Variants in BBOF1 observed in about 807,000 individuals in gnomAD.
BBOF1 encodes basal body orientation factor 1, also known as basal body-orientation factor 1.
BBOF1 carries 62 observed loss-of-function variants against 68.0 expected under a neutral mutation model. That is an observed-to-expected ratio of 0.91 (90% CI 0.74 to 1.13). The LOEUF (loss-of-function observed/expected upper bound fraction) is 1.13, where lower values mean the gene tolerates loss of function less well. Among genes scored for constraint, BBOF1 ranks in the 50% most tolerant of loss-of-function variants. The pLI, the probability that BBOF1 is intolerant of heterozygous loss-of-function variation, is 0.00. For missense variants in BBOF1, 534 were observed against 600.1 expected, an observed-to-expected ratio of 0.89 and a Z score of 1.15; for synonymous variants, 208 against 198.8, an observed-to-expected ratio of 1.05 and a Z score of -0.39.
At chr14:74,031,267 T>C (rs2059562207) in intron 3 of BBOF1, among the ~76,000 whole-genome samples, 2 of 152,002 alleles carry the variant, frequency 1.3e-5, no homozygotes, top group East Asian at 3.9e-4. Context: ...CGAGTACCAC[T>C]ACACCTGGCA....
rs770987682 is a variant in BBOF1 at position 74,034,088 on chromosome 14, G to T, written c.412G>T (p.Glu138Ter). 6.2e-7 allele frequency: 1 copy of T among 1,607,644 alleles called. No individual in the cohort carries two copies. The highest frequency in any genetic ancestry group is 8.5e-7 in the Non-Finnish European group (1 of 1,177,184). ...LEGQFHQKAK[E>*]IGMIHTELKA... The stretch of plus-strand genomic sequence containing the variant: ...GGGACAGTTCCATCAAAAAGCCAAA[G>T]AAATTGGCATGATTCACACAGAGCT... The change falls in exon 4 of 12, where the codon GAA becomes TAA. Residue 138 changes from glutamate to a stop codon, truncating the protein, a stop_gained. Coordinates refer to ENST00000394009, the MANE Select transcript of BBOF1 (RefSeq NM_025057.3). LOFTEE classifies it high-confidence loss of function.
At chr14:74,020,791 A>T (rs1301908614) in intron 1 of BBOF1, among the ~76,000 whole-genome samples, 1 of 152,158 alleles carries the variant, frequency 6.6e-6, no homozygotes, top group African/African-American at 2.4e-5. Context: ...GCCGTGAGCC[A>T]CCATGCCCTG....
chr14:74,019,398 T>C lies in BBOF1; in HGVS notation c.-81T>C. ...CGGGTGGGGCATTGCCAGCTCGGCG[T>C]CCCGGTTCCCTTGGAGACAGAGCTG... On this transcript the variant is annotated 5_prime_UTR_variant, in exon 1 of 12. Transcript: ENST00000394009. 1.3e-6 allele frequency: 2 copies of C among 1,511,716 alleles called. No individual in the cohort carries two copies. Among genetic ancestry groups the C allele is most frequent in the Non-Finnish European group, 1.8e-6 (2 of 1,126,962 alleles). The allele number at this position is 1,511,716 out of a possible 1,614,324, so 93.6% of individuals were successfully genotyped here. A position where few individuals can be genotyped will look rare whatever the true frequency, so the allele number is the denominator to read the frequency against.
At chr14:74,020,661 G>A (rs566369590) in intron 1 of BBOF1, among the ~76,000 whole-genome samples, 3 of 152,154 alleles carry the variant, frequency 2.0e-5, no homozygotes, top group African/African-American at 4.8e-5. Flanking sequence ...CCGTCACCAC[G>A]CCCAGCTAAT....
chr14:74,027,082 C>CTTTTTT (rs1189972161), intron 2 of BBOF1, among the ~76,000 whole-genome samples: 8 of 88,158 alleles, frequency 9.1e-5, no homozygotes, highest in African/African-American at 1.8e-4. Context: ...GAAAGGAAGC[C>CTTTTTT]TTTTTTTTTT....
intron 2 of BBOF1, among the ~76,000 whole-genome samples, chr14:74,024,557 C>T (rs114641365): frequency 0.016 from 2,457 of 152,174 alleles, 58 homozygotes; most frequent in African/African-American, 0.056. Context: ...GATCGACATC[C>T]GGGCTCAGAT....
chr14:74,056,141 C>T (rs1473693158), intron 9 of BBOF1, among the ~76,000 whole-genome samples: 2 of 151,792 alleles, frequency 1.3e-5, no homozygotes, highest in Non-Finnish European at 2.9e-5. Flanking sequence ...AAGTGATCCT[C>T]CCACCTCAGC....
intron 6 of BBOF1, among the ~76,000 whole-genome samples, chr14:74,047,407 C>CTTTATTTA (rs61067400): frequency 0.066 from 9,583 of 145,512 alleles, 795 homozygotes; most frequent in African/African-American, 0.18. Context: ...TCCTTTTTCA[C>CTTTATTTA]TTTATTTATT....
At chr14:74,063,171 G>A (rs1161472272) in intron 11 of BBOF1, among the ~76,000 whole-genome samples, 1 of 151,548 alleles carries the variant, frequency 6.6e-6, no homozygotes, top group African/African-American at 2.4e-5. Flanking sequence ...TGGCCGATGT[G>A]GCAATAGTAA....
In BBOF1 at chr14:74,062,053, A is replaced by G. The variant is rs1284739254; in HGVS notation, c.1579-2635A>G. 9.7e-3 allele frequency among the ~76,000 whole-genome samples: 867 copies of G among 89,168 alleles called. 36 individuals are homozygous for G. The highest frequency in any genetic ancestry group is 0.046 in the African/African-American group (745 of 16,200). The allele number at this position is 89,168 out of a possible 152,430, so 58.5% of individuals were successfully genotyped here. A position where few individuals can be genotyped will look rare whatever the true frequency, so the allele number is the denominator to read the frequency against. ...TGGCGAAACCTCGTCTCTACTGGGAAAAAAAAAAAAAAAAAAAAAAAAAAA... is the reference window on the plus strand; with the variant it reads ...TGGCGAAACCTCGTCTCTACTGGGAGAAAAAAAAAAAAAAAAAAAAAAAAA... On this transcript the variant is annotated intron_variant, in intron 11 of 11. Transcript: ENST00000394009.
At chr14:74,034,575 G>A (rs1431005421) in intron 4 of BBOF1, among the ~76,000 whole-genome samples, 1 of 152,140 alleles carries the variant, frequency 6.6e-6, no homozygotes, top group Admixed American at 6.5e-5. Context: ...GGGTCAGTAG[G>A]GTGAGAAACA....
downstream of BBOF1, among the ~76,000 whole-genome samples, chr14:74,070,038 G>A (rs551450550): frequency 4.6e-5 from 7 of 151,400 alleles, no homozygotes; most frequent in South Asian, 1.0e-3. Flanking sequence ...CGGGGGTTTC[G>A]CCACATGGCC....
intron 11 of BBOF1, among the ~76,000 whole-genome samples, chr14:74,062,787 T>A (rs1411848408): frequency 1.3e-5 from 2 of 151,828 alleles, no homozygotes; most frequent in Non-Finnish European, 2.9e-5. Context: ...CCTCGCCCTG[T>A]GGCAGCACAT....
Position 74,050,038 on chromosome 14 carries a change from AGC to A in BBOF1, c.1130_1131del (p.Ser377LysfsTer5). The stretch of plus-strand genomic sequence containing the variant: ...CCAAGTGAAGCAACAGATCCTAATT[AGC>A]AGGAAGCATTATAAGCAGATAGCAC... ...LHQVKQQILI[S>X]RKHYKQIAQA... On this transcript the variant is annotated frameshift_variant, in exon 8 of 12. Transcript: ENST00000394009. LOFTEE classifies it high-confidence loss of function. The A allele has an allele frequency of 6.2e-7, 1 of 1,614,184 alleles. No homozygotes were observed. Among genetic ancestry groups the A allele is most frequent in the Non-Finnish European group, 8.5e-7 (1 of 1,180,034 alleles).
At chr14:74,075,766 A>T (rs939725682) in intron 9 of BBOF1, among the ~76,000 whole-genome samples, 1 of 152,220 alleles carries the variant, frequency 6.6e-6, no homozygotes, top group Non-Finnish European at 1.5e-5. Context: ...CCATATAGGT[A>T]TTTGAAAAAT....
intron 2 of BBOF1, among the ~76,000 whole-genome samples, chr14:74,024,749 A>C (rs2059387265): frequency 6.6e-6 from 1 of 151,966 alleles, no homozygotes; most frequent in Non-Finnish European, 1.5e-5. Flanking sequence ...TGCAAGCATG[A>C]GCCACCATGC....
chr14:74,042,272 C>T (rs190378834), intron 5 of BBOF1, among the ~76,000 whole-genome samples: 99 of 152,258 alleles, frequency 6.5e-4, no homozygotes, highest in African/African-American at 2.4e-3. Flanking sequence ...AGAGCAGCAC[C>T]CTGGTGCTTT....
intron 5 of BBOF1, among the ~76,000 whole-genome samples, chr14:74,045,761 A>G (rs1419460129): frequency 6.6e-6 from 1 of 152,166 alleles, no homozygotes; most frequent in African/African-American, 2.4e-5. Flanking sequence ...GAATAAATGA[A>G]TGACTCTCAT....
At chr14:74,050,546 A>T (rs2060043807) in intron 8 of BBOF1, among the ~76,000 whole-genome samples, 1 of 152,050 alleles carries the variant, frequency 6.6e-6, no homozygotes, top group Non-Finnish European at 1.5e-5. Context: ...TAAAAGCCTG[A>T]TTAGATTCAG....
Sources: allele counts gnomAD v4.1 joint callset (sites outside exome capture counted in the v4.1 genomes callset), GRCh38; gene constraint gnomAD v4.1.1; transcripts MANE v1.5; gene names NCBI Gene and HGNC (gene_info 2026-07-23, HGNC 2026-07-21).